Variants in AGMO observed in about 807,000 individuals in gnomAD.
AGMO encodes the protein glyceryl-ether monooxygenase.
In AGMO, 75 loss-of-function variants were observed where a neutral mutation model predicts 60.2. That is an observed-to-expected ratio of 1.25 (90% CI 1.03 to 1.51). The LOEUF is 1.51. AGMO is among the 40% of genes most tolerant of loss of function. AGMO has a pLI of 0.00. For synonymous variants in AGMO, 261 were observed against 177.1 expected, an observed-to-expected ratio of 1.47 and a Z score of -3.76; for missense variants, 763 against 525.5, an observed-to-expected ratio of 1.45 and a Z score of -4.42.
At chr7:15,150,979 GT>G in the AGMO span, among the ~76,000 whole-genome samples, 1 of 151,882 alleles carries the variant, frequency 6.6e-6, no homozygotes, top group Non-Finnish European at 1.5e-5. Context: ...ATTTTTATTA[GT>G]GCTTCGATTT....
chr7:15,449,530 G>A (rs1323340691), intron 3 of AGMO, among the ~76,000 whole-genome samples: 1 of 152,048 alleles, frequency 6.6e-6, no homozygotes, highest in Non-Finnish European at 1.5e-5. Flanking sequence ...TCTTACAATT[G>A]CCTACATTAT....
At chr7:15,318,399 T>C (rs1781005643) in intron 12 of AGMO, among the ~76,000 whole-genome samples, 1 of 152,166 alleles carries the variant, frequency 6.6e-6, no homozygotes, top group South Asian at 2.1e-4. Flanking sequence ...CTGAAAAAGA[T>C]ATTCTGCTTG....
intron 3 of AGMO, among the ~76,000 whole-genome samples, chr7:15,454,921 CAT>C (rs1781958810): frequency 2.0e-5 from 3 of 152,098 alleles, no homozygotes; most frequent in Non-Finnish European, 4.4e-5. Flanking sequence ...CGCTTTGAAC[CAT>C]TTTAGCTTCT....
chr7:15,265,884 G>A (rs1783417899), intron 12 of AGMO, among the ~76,000 whole-genome samples: 1 of 152,096 alleles, frequency 6.6e-6, no homozygotes, highest in Admixed American at 6.6e-5. Context: ...GTCAGTGTAT[G>A]TTCACCAACA....
chr7:15,305,350 C>A (rs1359810977), intron 12 of AGMO, among the ~76,000 whole-genome samples: 2 of 151,766 alleles, frequency 1.3e-5, no homozygotes, highest in African/African-American at 4.8e-5. Context: ...CCCCATCTCT[C>A]CTTGATATGG....
intron 12 of AGMO, among the ~76,000 whole-genome samples, chr7:15,343,182 C>T (rs1032096845): frequency 1.3e-5 from 2 of 152,014 alleles, no homozygotes; most frequent in African/African-American, 4.8e-5. Context: ...ACATATCTCC[C>T]CACTCGCCAC....
chr7:15,205,877 G>T (rs867172475), intron 12 of AGMO, among the ~76,000 whole-genome samples: 1 of 151,934 alleles, frequency 6.6e-6, no homozygotes, highest in African/African-American at 2.4e-5. Flanking sequence ...TGTTTCTGTA[G>T]TATCAGTGAG....
At chr7:15,401,738 G>A (rs1403916018) in intron 5 of AGMO, among the ~76,000 whole-genome samples, 1 of 152,046 alleles carries the variant, frequency 6.6e-6, no homozygotes, top group Non-Finnish European at 1.5e-5. Context: ...GTCTGAGAGG[G>A]AAAAATCATA....
chr7:15,145,034 T>G, the AGMO span, among the ~76,000 whole-genome samples: 2 of 152,168 alleles, frequency 1.3e-5, no homozygotes, highest in African/African-American at 4.8e-5. Context: ...TTCACCGTGT[T>G]AGCCAGGATG....
At chr7:15,546,388 C>T (rs1784783243) in intron 2 of AGMO, among the ~76,000 whole-genome samples, 1 of 152,148 alleles carries the variant, frequency 6.6e-6, no homozygotes, top group African/African-American at 2.4e-5. Context: ...GTCCTTGACC[C>T]AAAGGACTCA....
chr7:15,260,486 C>T (rs769242967), intron 12 of AGMO, among the ~76,000 whole-genome samples: 4 of 152,004 alleles, frequency 2.6e-5, no homozygotes, highest in Non-Finnish European at 4.4e-5. Flanking sequence ...AATATATATG[C>T]ACTTAACACT....
chr7:15,446,469 C>T (rs10215514), intron 3 of AGMO, among the ~76,000 whole-genome samples: 122,073 of 152,136 alleles, frequency 0.8, 50,007 homozygotes, highest in African/African-American at 0.88. Context: ...TCACATTTGA[C>T]GCTGCACACC....
intron 12 of AGMO, among the ~76,000 whole-genome samples, chr7:15,353,193 G>T (rs900417035): frequency 2.6e-5 from 4 of 152,084 alleles, no homozygotes; most frequent in African/African-American, 9.7e-5. Flanking sequence ...GCTGCTGCTC[G>T]TAATTCACCA....
intron 2 of AGMO, 101 bp downstream of exon 2, chr7:15,560,040 T>A: frequency 2.5e-6 from 3 of 1,189,096 alleles, no homozygotes; most frequent in Non-Finnish European, 3.4e-6. Context: ...TTGGGAAAAT[T>A]TGTGTAAATA....
chr7:15,216,275 A>G (rs1229437630), intron 12 of AGMO, among the ~76,000 whole-genome samples: 1 of 152,120 alleles, frequency 6.6e-6, no homozygotes, highest in Admixed American at 6.6e-5. Flanking sequence ...TGGCTTTGTG[A>G]TCAAACCCTG....
chr7:15,308,115 G>A (rs1780667088), intron 12 of AGMO, among the ~76,000 whole-genome samples: 1 of 151,908 alleles, frequency 6.6e-6, no homozygotes, highest in Non-Finnish European at 1.5e-5. Context: ...TTCCAAAAGA[G>A]CAAATCTATT....
At chr7:15,442,677 C>A (rs1317341622) in intron 3 of AGMO, among the ~76,000 whole-genome samples, 1 of 152,018 alleles carries the variant, frequency 6.6e-6, no homozygotes, top group Non-Finnish European at 1.5e-5. Flanking sequence ...GTGAGGGCTC[C>A]ACCCCCGGGG....
the AGMO span, among the ~76,000 whole-genome samples, chr7:15,130,892 A>G: frequency 2.0e-5 from 3 of 152,162 alleles, no homozygotes; most frequent in Non-Finnish European, 2.9e-5. Context: ...TGAGCATTCC[A>G]TCTGCTCTAT....
intron 12 of AGMO, among the ~76,000 whole-genome samples, chr7:15,310,081 G>A (rs1386293509): frequency 6.6e-6 from 1 of 152,116 alleles, no homozygotes; most frequent in Non-Finnish European, 1.5e-5. Context: ...CATGCTTAGT[G>A]CCTGTTCTTT....
Sources: allele counts gnomAD v4.1 joint callset (sites outside exome capture counted in the v4.1 genomes callset), GRCh38; gene constraint gnomAD v4.1.1; transcripts MANE v1.5; gene names NCBI Gene and HGNC (gene_info 2026-07-23, HGNC 2026-07-21).